The following EPC1 variants were observed in gnomAD, a reference collection of about 807,000 sequenced individuals.
The protein encoded by EPC1 is enhancer of polycomb homolog 1.
A neutral mutation model predicts 98.4 loss-of-function variants in EPC1; 12 were observed. That is an observed-to-expected ratio of 0.12 (90% CI 0.08 to 0.20). The LOEUF (loss-of-function observed/expected upper bound fraction) is 0.20. Ranked by LOEUF, EPC1 falls within the 10% of genes least tolerant of loss-of-function variation. The pLI is 1.00. For missense variants in EPC1, 729 were observed against 990.5 expected (o/e 0.74, Z 3.54); for synonymous variants, 357 against 363.9 (o/e 0.98, Z 0.21).
chr10:32,352,585 A>G (rs530745658), intron 1 of EPC1, among the ~76,000 whole-genome samples: 23 of 152,252 alleles, frequency 1.5e-4, no homozygotes, highest in African/African-American at 5.5e-4. Context: ...TCTGGGCCCT[A>G]ATTTCCTAAT....
intron 1 of EPC1, among the ~76,000 whole-genome samples, chr10:32,308,940 AT>A (rs1836034882): frequency 6.6e-6 from 1 of 152,248 alleles, no homozygotes. Context: ...ACAATGGAAT[AT>A]TATTCAGCCA....
intron 1 of EPC1, among the ~76,000 whole-genome samples, chr10:32,365,563 A>G (rs1839574849): frequency 6.6e-6 from 1 of 152,122 alleles, no homozygotes; most frequent in Non-Finnish European, 1.5e-5. Flanking sequence ...ATGTAATCCT[A>G]GCACTTTGGG....
chr10:32,366,793 G>C (rs3121816), intron 1 of EPC1, among the ~76,000 whole-genome samples: 2,974 of 152,262 alleles, frequency 0.02, 39 homozygotes, highest in Non-Finnish European at 0.031. Context: ...CACAGACAGA[G>C]AGGTTTCTCC....
At chr10:32,294,196 C>G (rs1434005906) in intron 2 of EPC1, among the ~76,000 whole-genome samples, 1 of 152,082 alleles carries the variant, frequency 6.6e-6, no homozygotes, top group East Asian at 1.9e-4. Flanking sequence ...TTACCAAAAG[C>G]TAAGGGAGTG....
intron 1 of EPC1, among the ~76,000 whole-genome samples, chr10:32,326,427 G>A (rs906885922): frequency 6.6e-6 from 1 of 152,088 alleles, no homozygotes; most frequent in African/African-American, 2.4e-5. Context: ...TTCCCCTGCT[G>A]ATCCAGGACA....
At chr10:32,332,534 C>G (rs1240306402) in intron 1 of EPC1, among the ~76,000 whole-genome samples, 1 of 152,218 alleles carries the variant, frequency 6.6e-6, no homozygotes. Context: ...TTGGTACACA[C>G]TCTCTCGAGT....
Position 32,284,729 on chromosome 10 carries a change from T to C in EPC1, c.1713A>G (p.Gln571=). ...GTGCTGAACCACTGCTACTTTTACT[T>C]TGCGTAGAGGTACTGCATGTCTGGG... ...PGTQTCSTST[Q]SKSSSGSAHF... is the part of the protein sequence containing the mutation. Residue 571 remains glutamine, a synonymous_variant, in exon 10 of 14, where the codon CAA becomes CAG. Transcript: ENST00000319778. The C allele has an allele frequency of 6.2e-7, 1 of 1,613,628 alleles. No individual in the cohort carries two copies. Among genetic ancestry groups the C allele is most frequent in the South Asian group, 1.1e-5 (1 of 91,040 alleles).
At position 32,272,041 on chromosome 10, in the gene EPC1, C is replaced by T. The variant is rs146679178; in HGVS notation, c.1990G>A (p.Val664Ile). The T allele has an allele frequency of 8.2e-5, 133 of 1,612,684 alleles. No homozygotes were observed. The African/African-American group carries it at 9.5e-4, about 11-fold the overall frequency. ...TTATTCTTACCTGAGGCTGGAAGGACGCCATTCACCCCGATTCCAAGCACC... is the reference window on the plus strand; with the variant it reads ...TTATTCTTACCTGAGGCTGGAAGGATGCCATTCACCCCGATTCCAAGCACC... ...DVVLGIGVNG[V>I]LPASGVYKGL... The change falls in exon 12 of 14, where the codon GTC becomes ATC. Residue 664 changes from valine (V) to isoleucine (I), a missense_variant. Physicochemically the swap from Val to Ile is conservative, Grantham distance 29. Around this residue, in one of 6 missense-constraint regions of EPC1, gnomAD observed 156 missense variants for 188.9 expected, o/e 0.83. Transcript: ENST00000319778.
At position 32,284,732 on chromosome 10, in the gene EPC1, C is replaced by T. The variant is rs1431266774; in HGVS notation, c.1710G>A (p.Thr570=). Residue 570 remains threonine, a synonymous_variant, in exon 10 of 14, where the codon ACG becomes ACA. Coordinates refer to ENST00000319778, the MANE Select transcript of EPC1 (RefSeq NM_001272004.3). Reference sequence around the variant, plus strand: ...CTGAACCACTGCTACTTTTACTTTGCGTAGAGGTACTGCATGTCTGGGTCC... The same window carrying T: ...CTGAACCACTGCTACTTTTACTTTGTGTAGAGGTACTGCATGTCTGGGTCC... The part of the protein sequence containing the change: ...QPGTQTCSTS[T]QSKSSSGSAH... The T allele has an allele frequency of 1.9e-6, 3 of 1,613,896 alleles. No homozygotes were observed. The highest frequency in any genetic ancestry group is 1.7e-6 in the Non-Finnish European group (2 of 1,179,864).
At chr10:32,328,949 G>A (rs561708258) in intron 1 of EPC1, among the ~76,000 whole-genome samples, 13 of 152,198 alleles carry the variant, frequency 8.5e-5, no homozygotes, top group Non-Finnish European at 1.8e-4. Context: ...GTATCACCTG[G>A]AAACTCTTAA....
At chr10:32,299,851 T>G (rs962323049) in intron 2 of EPC1, among the ~76,000 whole-genome samples, 1 of 152,206 alleles carries the variant, frequency 6.6e-6, no homozygotes, top group Non-Finnish European at 1.5e-5. Flanking sequence ...TTTCCTCTCT[T>G]ATTGAGCACA....
chr10:32,329,114 G>A (rs12771119), intron 1 of EPC1, among the ~76,000 whole-genome samples: 44,289 of 152,010 alleles, frequency 0.29, 6,595 homozygotes, highest in South Asian at 0.39. Context: ...GTACCTCCTG[G>A]CTCCTTTATG....
intron 1 of EPC1, among the ~76,000 whole-genome samples, chr10:32,314,211 A>T (rs1836420960): frequency 6.6e-6 from 1 of 152,236 alleles, no homozygotes; most frequent in African/African-American, 2.4e-5. Flanking sequence ...ACCATAGCTT[A>T]TAATTAAGCA....
chr10:32,344,228 A>T (rs1423236535), intron 1 of EPC1, among the ~76,000 whole-genome samples: 1 of 152,192 alleles, frequency 6.6e-6, no homozygotes, highest in African/African-American at 2.4e-5. Flanking sequence ...CAATATTATG[A>T]TTTACACACC....
At chr10:32,355,990 A>C (rs1428184621) in intron 1 of EPC1, among the ~76,000 whole-genome samples, 3 of 152,194 alleles carry the variant, frequency 2.0e-5, no homozygotes, top group Admixed American at 6.5e-5. Flanking sequence ...AGTATGGTAC[A>C]GATGGTACAT....
intron 1 of EPC1, among the ~76,000 whole-genome samples, chr10:32,325,689 A>C (rs1476857954): frequency 6.6e-6 from 1 of 152,212 alleles, no homozygotes; most frequent in Non-Finnish European, 1.5e-5. Flanking sequence ...ATTTGGTTAG[A>C]ATGAAAGGCT....
At chr10:32,301,038 A>ATATTTATCTATCTATC (rs71299736) in intron 2 of EPC1, among the ~76,000 whole-genome samples, 330 of 143,104 alleles carry the variant, frequency 2.3e-3, no homozygotes, top group South Asian at 3.9e-3. Context: ...AAGCACATTT[A>ATATTTATCTATCTATC]TATCTATCTA....
At chr10:32,293,782 C>G (rs1379708574) in intron 2 of EPC1, 45 bp from the exon 3 acceptor site, 1 of 1,534,170 alleles carries the variant, frequency 6.5e-7, no homozygotes, top group East Asian at 2.3e-5. Flanking sequence ...GTGAATTCAC[C>G]GACAAAAACT....
chr10:32,319,979 G>A (rs1303455542), intron 1 of EPC1, among the ~76,000 whole-genome samples: 4 of 152,012 alleles, frequency 2.6e-5, no homozygotes. Context: ...GTGCCCAGCC[G>A]ACATCCATGA....
Sources: gnomAD v4.1 joint callset for allele counts (sites outside exome capture counted in the v4.1 genomes callset) on GRCh38, gnomAD v4.1.1 for gene constraint, gnomAD v4.1.1 regional missense constraint, MANE v1.5 for transcripts, NCBI Gene and HGNC (gene_info 2026-07-23, HGNC 2026-07-21) for gene names.